Variants in OR4F15 observed in about 807,000 individuals in gnomAD.
The protein encoded by OR4F15 is olfactory receptor family 4 subfamily F member 15.
A neutral mutation model predicts 11.9 loss-of-function variants in OR4F15; 7 were observed. The ratio of observed to expected loss-of-function variants is 0.59; its 90% CI spans 0.33 to 1.10. The LOEUF (loss-of-function observed/expected upper bound fraction) is 1.10. Ranked by LOEUF, OR4F15 falls within the 50% of genes least tolerant of loss-of-function variation. OR4F15 has a pLI of 0.03. For missense variants in OR4F15, 445 were observed against 377.5 expected (o/e 1.18, Z -1.48); for synonymous variants, 151 against 134.6 (o/e 1.12, Z -0.84).
At chr15:101,817,708 G>GT (rs1903014307) in intron 1 of OR4F15, among the ~76,000 whole-genome samples, 1 of 152,152 alleles carries the variant, frequency 6.6e-6, no homozygotes, top group African/African-American at 2.4e-5. Context: ...AACTTCTAAA[G>GT]TCTAATCAAG....
chr15:101,812,507 G>T (rs1187719749), intron 1 of OR4F15, among the ~76,000 whole-genome samples: 3 of 152,174 alleles, frequency 2.0e-5, no homozygotes, highest in Non-Finnish European at 4.4e-5. Context: ...ATGTAAAGTT[G>T]TTTGTGGTAT....
In OR4F15 at chr15:101,819,050, A is replaced by G. The variant is rs750237884; in HGVS notation, c.864A>G (p.Thr288=). Residue 288 remains threonine (T), a synonymous_variant, in exon 2 of 2, where the codon ACA becomes ACG. Transcript: ENST00000332238. ...ITPFLNPVIY[T]FRNKDMKVAM... ...CTTTTCTGAATCCAGTTATCTACACATTCAGGAACAAAGACATGAAAGTGG... is the reference window on the plus strand; with the variant it reads ...CTTTTCTGAATCCAGTTATCTACACGTTCAGGAACAAAGACATGAAAGTGG... 4.3e-6 allele frequency: 7 copies of G among 1,613,888 alleles called. No homozygotes were observed. In the Admixed American group the frequency reaches 6.7e-5, roughly 15 times the overall value.
At position 101,819,637 on chromosome 15, in the gene OR4F15, CCTGAGGG is replaced by C. The variant is rs1335569894; in HGVS notation, c.*516_*522del. On this transcript the variant is annotated 3_prime_UTR_variant, in exon 2 of 2. Coordinates refer to ENST00000332238, the MANE Select transcript of OR4F15 (RefSeq NM_001001674.2). ...TCGAGTAATTCTCCTGCCTCAGCCT[CCTGAGGG>C]CTGGGATTACAGGCGCCCATCACAA... 2 of 152,630 alleles carry C rather than the reference CCTGAGGG, an allele frequency of 1.3e-5. No homozygotes were observed. Among genetic ancestry groups the C allele is most frequent in the African/African-American group, 2.4e-5 (1 of 41,400 alleles). The allele number at this position is 152,630 out of a possible 1,614,324, so 9.5% of individuals were successfully genotyped here.
rs367961163 is a variant in OR4F15 at position 101,818,846 on chromosome 15, C to T, written c.660C>T (p.Phe220=). Residue 220 remains phenylalanine (F), a synonymous_variant, in exon 2 of 2, where the codon TTC becomes TTT. Transcript: ENST00000332238. The part of the protein sequence containing the change: ...SFVLLVISYI[F]ILFTVWKHSS... ...TCTTGCTGGTAATTTCCTACATCTT[C>T]ATTCTGTTCACTGTTTGGAAACATT... is the stretch of plus-strand genomic sequence containing the variant. 1.1e-5 allele frequency: 18 copies of T among 1,613,990 alleles called. 1 individual carries two copies. Among genetic ancestry groups the T allele is most frequent in the Non-Finnish European group, 1.4e-5 (17 of 1,180,016 alleles).
chr15:101,817,278 T>A (rs1332435065), intron 1 of OR4F15, among the ~76,000 whole-genome samples: 1 of 152,234 alleles, frequency 6.6e-6, no homozygotes, highest in African/African-American at 2.4e-5. Context: ...AATTCCTGAC[T>A]GGCATGCTGT....
At chr15:101,814,971 C>A (rs1001091930) in intron 1 of OR4F15, among the ~76,000 whole-genome samples, 5 of 152,142 alleles carry the variant, frequency 3.3e-5, no homozygotes, top group Admixed American at 6.5e-5. Context: ...TACTTCACAG[C>A]ATATTTTTAT....
rs1172114782 is a variant in OR4F15 at position 101,819,887 on chromosome 15, T to G, written c.*762T>G. 1 of 152,268 alleles carries G rather than the reference T, an allele frequency of 6.6e-6. No homozygotes were observed. The highest frequency in any genetic ancestry group is 2.4e-5 in the African/African-American group (1 of 41,472). The allele number at this position is 152,268 out of a possible 1,614,324, so 9.4% of individuals were successfully genotyped here. On this transcript the variant is annotated 3_prime_UTR_variant, in exon 2 of 2. Transcript: ENST00000332238. ...GTTTGCTTTCTATTGCTCCAGTCTC[T>G]ACATATTTTTGCCACCTTATCAGGC...
chr15:101,816,608 C>A (rs1360449307), intron 1 of OR4F15, among the ~76,000 whole-genome samples: 1 of 152,026 alleles, frequency 6.6e-6, no homozygotes, highest in African/African-American at 2.4e-5. Flanking sequence ...GTAAAAAGTT[C>A]TTGGTCCCAG....
intron 1 of OR4F15, among the ~76,000 whole-genome samples, chr15:101,817,296 C>A (rs549837839): frequency 6.6e-6 from 1 of 152,156 alleles, no homozygotes; most frequent in Admixed American, 6.6e-5. Context: ...TGTTAATATA[C>A]TATTAATATA....
Position 101,818,938 on chromosome 15 carries a change from T to C in OR4F15, c.752T>C (p.Phe251Ser). 1 of 1,614,176 alleles carries C rather than the reference T, an allele frequency of 6.2e-7. No individual in the cohort carries two copies. Among genetic ancestry groups the C allele is most frequent in the South Asian group, 1.1e-5 (1 of 91,084 alleles). Residue 251 changes from phenylalanine (F) to serine (S), a missense_variant, in exon 2 of 2, where the codon TTT (phenylalanine) becomes TCT (serine). Phe to Ser is a radical substitution (Grantham distance 155, BLOSUM62 -2). Transcript: ENST00000332238. ...SAHVTVVILFFGPLMFFYTWP... is the reference protein window; with the variant it reads ...SAHVTVVILFSGPLMFFYTWP... ...CATGTCACTGTGGTCATCTTGTTCT[T>C]TGGGCCACTGATGTTTTTCTACACA...
intron 1 of OR4F15, among the ~76,000 whole-genome samples, chr15:101,815,830 G>C (rs775433459): frequency 1.3e-5 from 2 of 152,120 alleles, no homozygotes; most frequent in Non-Finnish European, 2.9e-5. Context: ...ATTTTTTAAA[G>C]AACATGTTGG....
Position 101,817,242 on chromosome 15 carries a change from C to T in OR4F15, c.-37-908C>T, listed in dbSNP as rs551894621. Among the ~76,000 whole-genome samples the T allele has an allele frequency of 1.4e-4, 21 of 152,166 alleles. No homozygotes were observed. The South Asian group carries it at 3.5e-3, about 26-fold the overall frequency. On this transcript the variant is annotated intron_variant, in intron 1 of 1. Transcript: ENST00000332238. ...GTTTCTTTGAGTGGTTAAATAAGTA[C>T]AGGATTGAAATAGGGATACTGTGAT...
intron 1 of OR4F15, among the ~76,000 whole-genome samples, chr15:101,817,479 T>G (rs914676694): frequency 2.0e-5 from 3 of 152,180 alleles, no homozygotes; most frequent in African/African-American, 7.2e-5. Flanking sequence ...TTACGGCTTC[T>G]ATACCCAAGA....
chr15:101,820,012 T>G lies in OR4F15; in HGVS notation c.*887T>G, dbSNP rs1331644565. On this transcript the variant is annotated 3_prime_UTR_variant, in exon 2 of 2. Coordinates refer to ENST00000332238, the MANE Select transcript of OR4F15 (RefSeq NM_001001674.2). ...ACCATCTGTTCCAATCCCCTCAAAT[T>G]ACACGTACTAAAATCCAAGAATTGA... 6.6e-6 allele frequency: 1 copy of G among 152,210 alleles called. No homozygotes were observed. 9.4% of individuals were successfully genotyped at this position (152,210 alleles called of 1,614,324 possible).
Position 101,818,564 on chromosome 15 carries a change from A to T in OR4F15, c.378A>T (p.Ile126=). 6.2e-7 allele frequency: 1 copy of T among 1,614,150 alleles called. No individual in the cohort carries two copies. ...IAMAFDRYMA[I]CKPLHYLTIM... is the part of the protein sequence containing the mutation. ...TGGCCTTTGACAGATACATGGCCATATGTAAACCTCTCCACTACCTGACCA... is the reference window on the plus strand; with the variant it reads ...TGGCCTTTGACAGATACATGGCCATTTGTAAACCTCTCCACTACCTGACCA... The change falls in exon 2 of 2, where the codon ATA becomes ATT. Residue 126 remains isoleucine (I), a synonymous_variant. Transcript: ENST00000332238.
Position 101,818,956 on chromosome 15 carries a change from T to C in OR4F15, c.770T>C (p.Phe257Ser), listed in dbSNP as rs767441809. The change falls in exon 2 of 2, where the codon TTC (phenylalanine) becomes TCC (serine). Residue 257 changes from phenylalanine (F) to serine (S), a missense_variant. Phe to Ser is a radical substitution (Grantham distance 155). Coordinates refer to ENST00000332238, the MANE Select transcript of OR4F15 (RefSeq NM_001001674.2). ...VILFFGPLMF[F>S]YTWPSPTSHL... The stretch of plus-strand genomic sequence containing the variant: ...TTGTTCTTTGGGCCACTGATGTTTT[T>C]CTACACATGGCCTTCTCCCACATCA... The C allele has an allele frequency of 2.5e-6, 4 of 1,614,218 alleles. No homozygotes were observed. The highest frequency in any genetic ancestry group is 3.3e-5 in the Admixed American group (2 of 60,018).
In OR4F15 at chr15:101,818,515, C is replaced by A. The variant is rs763579120; in HGVS notation, c.329C>A (p.Thr110Asn). 60 of 1,613,986 alleles carry A rather than the reference C, an allele frequency of 3.7e-5. No homozygotes were observed. The South Asian group carries it at 6.4e-4, about 17-fold the overall frequency. ...TTCTTTAGCCATGCTCTTGGGGGCA[C>A]TGAGATGGTGCTGCTCATAGCCATG... ...QIFFSHALGG[T>N]EMVLLIAMAF... Residue 110 changes from threonine (T) to asparagine (N), a missense_variant, in exon 2 of 2, where the codon ACT becomes AAT. Physicochemically the swap from Thr to Asn is moderately conservative, Grantham distance 65. Transcript: ENST00000332238.
chr15:101,818,547 G>C lies in OR4F15; in HGVS notation c.361G>C (p.Asp121His). The C allele has an allele frequency of 6.2e-7, 1 of 1,614,034 alleles. No individual in the cohort carries two copies. Among genetic ancestry groups the C allele is most frequent in the Non-Finnish European group, 8.5e-7 (1 of 1,179,928 alleles). Reference sequence around the variant, plus strand: ...GGTGCTGCTCATAGCCATGGCCTTTGACAGATACATGGCCATATGTAAACC... The same window carrying C: ...GGTGCTGCTCATAGCCATGGCCTTTCACAGATACATGGCCATATGTAAACC... ...EMVLLIAMAF[D>H]RYMAICKPLH... is the part of the protein sequence containing the mutation. The change falls in exon 2 of 2, where the codon GAC becomes CAC. Residue 121 changes from aspartate (D) to histidine (H), a missense_variant. Coordinates refer to ENST00000332238, the MANE Select transcript of OR4F15 (RefSeq NM_001001674.2).
intron 1 of OR4F15, among the ~76,000 whole-genome samples, chr15:101,814,539 G>A (rs1363538815): frequency 1.3e-5 from 2 of 152,156 alleles, no homozygotes; most frequent in African/African-American, 4.8e-5. Context: ...AAAGAAAGCA[G>A]CTCTAATGTT....
Sources: gnomAD v4.1 joint callset for allele counts (sites outside exome capture counted in the v4.1 genomes callset) on GRCh38, gnomAD v4.1.1 for gene constraint, MANE v1.5 for transcripts, NCBI Gene and HGNC (gene_info 2026-07-23, HGNC 2026-07-21) for gene names.